TMTC2: variants seen among roughly 807,000 people sequenced by gnomAD.
TMTC2 encodes the protein transmembrane O-mannosyltransferase targeting cadherins 2.
A neutral mutation model predicts 82.4 loss-of-function variants in TMTC2; 43 were observed. The ratio of observed to expected loss-of-function variants is 0.52; its 90% CI spans 0.41 to 0.67. TMTC2 has a LOEUF of 0.67. Ranked by LOEUF, TMTC2 falls within the 30% of genes least tolerant of loss-of-function variation. TMTC2 has a pLI of 0.00. For synonymous variants in TMTC2, 408 were observed against 381.9 expected (o/e 1.07, Z -0.80); for missense variants, 919 against 1,012.4 (o/e 0.91, Z 1.25).
intron 8 of TMTC2, among the ~76,000 whole-genome samples, chr12:82,997,352 A>ATATATATATGTGTG (rs1879686669): frequency 1.4e-4 from 3 of 21,464 alleles, no homozygotes; most frequent in South Asian, 4.0e-3. Context: ...GTGTGTGTAT[A>ATATATATATGTGTG]TATATATATA....
At chr12:82,836,563 C>T (rs1196400867) in intron 1 of TMTC2, among the ~76,000 whole-genome samples, 1 of 152,222 alleles carries the variant, frequency 6.6e-6, no homozygotes, top group East Asian at 1.9e-4. Flanking sequence ...ACTAGATTCT[C>T]CCCTAGAGCC....
At chr12:83,068,491 G>C (rs1882997486) in intron 11 of TMTC2, among the ~76,000 whole-genome samples, 1 of 151,954 alleles carries the variant, frequency 6.6e-6, no homozygotes, top group African/African-American at 2.4e-5. Flanking sequence ...TGTAAATGGG[G>C]GAGGAACCAC....
At position 82,916,867 on chromosome 12, in the gene TMTC2, A is replaced by G. The variant is rs1482285493; in HGVS notation, c.1484-13564A>G. On this transcript the variant is annotated intron_variant, in intron 3 of 11. Transcript: ENST00000321196. The stretch of plus-strand genomic sequence containing the variant: ...TATCTTGTAGAATTCCTGTAATTAG[A>G]ATTACATATAAGTACATAGGATATG... Among the ~76,000 whole-genome samples, 5 of 152,330 alleles carry G rather than the reference A, an allele frequency of 3.3e-5. No homozygotes were observed. In the East Asian group the frequency reaches 9.6e-4, roughly 29 times the overall value.
At chr12:82,785,073 T>C (rs1384646357) in intron 1 of TMTC2, among the ~76,000 whole-genome samples, 1 of 152,114 alleles carries the variant, frequency 6.6e-6, no homozygotes, top group African/African-American at 2.4e-5. Flanking sequence ...TTTGCTTCTC[T>C]TAAAGATGTA....
chr12:83,006,358 T>A (rs1478093173), intron 8 of TMTC2, among the ~76,000 whole-genome samples: 1 of 152,204 alleles, frequency 6.6e-6, no homozygotes, highest in East Asian at 1.9e-4. Context: ...TGGGTGTGTC[T>A]ACTTGGCCCT....
chr12:82,925,116 A>G (rs183878474), intron 3 of TMTC2, among the ~76,000 whole-genome samples: 1 of 152,316 alleles, frequency 6.6e-6, no homozygotes, highest in Admixed American at 6.5e-5. Context: ...TTTAGCTCGT[A>G]GAGATCATAC....
chr12:82,719,085 A>ATATATATATTTTT (rs1282211374), intron 1 of TMTC2, among the ~76,000 whole-genome samples: 1 of 41,414 alleles, frequency 2.4e-5, no homozygotes, highest in African/African-American at 1.2e-4. Context: ...ATATATATAT[A>ATATATATATTTTT]TTTTTTTTTT....
At chr12:83,081,441 C>T (rs76662286) in intron 11 of TMTC2, among the ~76,000 whole-genome samples, 6,692 of 152,240 alleles carry the variant, frequency 0.044, 184 homozygotes, top group East Asian at 0.12. Context: ...CTTTCAATAA[C>T]AGATTCTCAC....
chr12:82,849,941 G>A (rs1271940594), intron 1 of TMTC2, among the ~76,000 whole-genome samples: 1 of 152,060 alleles, frequency 6.6e-6, no homozygotes, highest in Admixed American at 6.5e-5. Flanking sequence ...CTTAAAAGAA[G>A]ATGCCTTTTC....
At chr12:82,889,170 G>A (rs7972978) in intron 2 of TMTC2, among the ~76,000 whole-genome samples, 18,670 of 151,194 alleles carry the variant, frequency 0.12, 2,368 homozygotes, top group African/African-American at 0.32. Flanking sequence ...CCAGCTACTC[G>A]AGAGGCTGAG....
intron 8 of TMTC2, among the ~76,000 whole-genome samples, chr12:83,000,822 A>G (rs1879887104): frequency 1.3e-5 from 2 of 152,182 alleles, no homozygotes; most frequent in South Asian, 4.1e-4. Flanking sequence ...GCATTTACAT[A>G]CATCTTCTGA....
At chr12:82,940,646 A>C (rs974948203) in intron 4 of TMTC2, among the ~76,000 whole-genome samples, 1 of 150,414 alleles carries the variant, frequency 6.6e-6, no homozygotes, top group African/African-American at 2.5e-5. Context: ...TGCACATACT[A>C]TTTGTGCTGC....
At chr12:83,025,253 G>A (rs997135842) in intron 8 of TMTC2, among the ~76,000 whole-genome samples, 4 of 151,822 alleles carry the variant, frequency 2.6e-5, no homozygotes, top group Admixed American at 6.6e-5. Flanking sequence ...TATGTTGACT[G>A]GTTATTGTAT....
At chr12:82,948,920 G>C (rs1592650209) in intron 4 of TMTC2, among the ~76,000 whole-genome samples, 1 of 151,654 alleles carries the variant, frequency 6.6e-6, no homozygotes, top group South Asian at 2.1e-4. Flanking sequence ...TTCTGGCTGT[G>C]GACTTCCATA....
In TMTC2 at chr12:83,095,272, G is replaced by A. The variant is rs143282895; in HGVS notation, c.2331+33441G>A. On this transcript the variant is annotated intron_variant, in intron 11 of 11. Transcript: ENST00000321196. ...TTTTGTTTTTTTGAGATGGAGTCTC[G>A]CTTTGTCGCCCAGGCTGGAGTGCAG... Among the ~76,000 whole-genome samples the A allele has an allele frequency of 5.4e-5, 8 of 148,242 alleles. No individual in the cohort carries two copies. The East Asian group carries it at 7.9e-4, about 15-fold the overall frequency.
intron 1 of TMTC2, among the ~76,000 whole-genome samples, chr12:82,797,173 A>G (rs910530172): frequency 2.6e-5 from 4 of 152,142 alleles, no homozygotes; most frequent in Non-Finnish European, 4.4e-5. Context: ...AAAAAACATA[A>G]TGGGTGTTCC....
intron 11 of TMTC2, among the ~76,000 whole-genome samples, chr12:83,123,667 A>G (rs1885021690): frequency 6.6e-6 from 1 of 152,174 alleles, no homozygotes; most frequent in Non-Finnish European, 1.5e-5. Flanking sequence ...TGACAACTTA[A>G]TCCCCAAATT....
At chr12:83,036,002 A>G (rs775710940) in intron 9 of TMTC2, among the ~76,000 whole-genome samples, 6 of 152,182 alleles carry the variant, frequency 3.9e-5, no homozygotes, top group Non-Finnish European at 7.4e-5. Flanking sequence ...GGAGATTGTA[A>G]TGCTACTGAA....
intron 1 of TMTC2, among the ~76,000 whole-genome samples, chr12:82,815,865 A>G (rs2137055628): frequency 6.6e-6 from 1 of 152,208 alleles, no homozygotes; most frequent in Admixed American, 6.5e-5. Flanking sequence ...TACAAAGGAT[A>G]AATCTTCACA....
Sources: allele counts gnomAD v4.1 joint callset (sites outside exome capture counted in the v4.1 genomes callset), GRCh38; gene constraint gnomAD v4.1.1; transcripts MANE v1.5; gene names NCBI Gene and HGNC (gene_info 2026-07-23, HGNC 2026-07-21).